Variants in PCLO observed in about 807,000 individuals in gnomAD.
PCLO encodes the protein piccolo presynaptic cytomatrix protein, also known as protein piccolo.
Under a neutral mutation model 427.5 loss-of-function variants are expected in PCLO, and 82 were observed. The ratio of observed to expected loss-of-function variants is 0.19; its 90% confidence interval spans 0.16 to 0.23. The LOEUF (loss-of-function observed/expected upper bound fraction) is 0.23. Among genes scored for constraint, PCLO ranks in the 10% least tolerant of loss-of-function variants. The pLI is 1.00. For missense variants in PCLO, 6,239 were observed against 6,115.9 expected (o/e 1.02, Z -0.67); for synonymous variants, 2,357 against 2,155.4 (o/e 1.09, Z -2.59).
intron 2 of PCLO, among the ~76,000 whole-genome samples, chr7:83,152,093 T>C (rs192829443): frequency 1.3e-5 from 2 of 152,112 alleles, no homozygotes; most frequent in Admixed American, 6.5e-5. Context: ...GCCTCCCTAG[T>C]AGCTGGGACT....
intron 6 of PCLO, among the ~76,000 whole-genome samples, chr7:82,946,726 T>C (rs1795212957): frequency 6.6e-6 from 1 of 152,098 alleles, no homozygotes; most frequent in African/African-American, 2.4e-5. Context: ...CAAGCAGAGA[T>C]CACATCACAT....
At position 82,815,363 on chromosome 7, in the gene PCLO, T is replaced by C. The variant is rs1174232127; in HGVS notation, c.14791+7132A>G. Among the ~76,000 whole-genome samples the C allele has an allele frequency of 7.9e-5, 12 of 152,198 alleles. No individual in the cohort carries two copies. The East Asian group carries it at 2.3e-3, about 29-fold the overall frequency. On this transcript the variant is annotated intron_variant, in intron 20 of 24. Coordinates refer to ENST00000333891, the MANE Select transcript of PCLO (RefSeq NM_033026.6). The stretch of plus-strand genomic sequence containing the variant: ...GGATGGAAGCAAAATGGTGATTCAA[T>C]AGTTATTGACTTTATTAAATGTCAT...
chr7:82,931,270 T>C (rs1475159275), intron 6 of PCLO, among the ~76,000 whole-genome samples: 2 of 152,126 alleles, frequency 1.3e-5, no homozygotes, highest in East Asian at 1.9e-4. Flanking sequence ...AAGATTTGAA[T>C]TGGGGAAATG....
intron 3 of PCLO, among the ~76,000 whole-genome samples, chr7:82,988,054 CT>C (rs540566677): frequency 1.4e-4 from 21 of 151,984 alleles, no homozygotes; most frequent in Non-Finnish European, 2.5e-4. Flanking sequence ...TATTTATATA[CT>C]TTTTTTCTAT....
chr7:83,153,070 T>C (rs1792177416), intron 2 of PCLO, among the ~76,000 whole-genome samples: 1 of 151,962 alleles, frequency 6.6e-6, no homozygotes, highest in South Asian at 2.1e-4. Context: ...AAAGTGATCA[T>C]CTATCATCTG....
chr7:83,016,463 C>T (rs1462267283), intron 3 of PCLO, among the ~76,000 whole-genome samples: 2 of 151,612 alleles, frequency 1.3e-5, no homozygotes, highest in Admixed American at 6.6e-5. Flanking sequence ...TAGGAATCAA[C>T]GCTAAGAAAC....
chr7:82,800,207 T>A (rs1307827824), intron 22 of PCLO, among the ~76,000 whole-genome samples: 8 of 152,328 alleles, frequency 5.3e-5, no homozygotes, highest in African/African-American at 1.9e-4. Flanking sequence ...GGCATTCACT[T>A]AAGCCCCTGA....
intron 24 of PCLO, 53 bp from the exon 25 acceptor site, chr7:82,758,768 G>A (rs1790370662): frequency 2.7e-6 from 3 of 1,125,656 alleles, no homozygotes; most frequent in Non-Finnish European, 3.9e-6. Flanking sequence ...ATATACATGT[G>A]TATAGTTTTC....
At chr7:82,992,238 T>A (rs1213330369) in intron 3 of PCLO, among the ~76,000 whole-genome samples, 1 of 152,074 alleles carries the variant, frequency 6.6e-6, no homozygotes, top group Non-Finnish European at 1.5e-5. Flanking sequence ...CACAGACTAC[T>A]ACAAAGAAAG....
chr7:82,883,746 TC>T (rs765369862), intron 9 of PCLO, among the ~76,000 whole-genome samples: 22 of 152,116 alleles, frequency 1.4e-4, no homozygotes, highest in Non-Finnish European at 2.9e-4. Context: ...CTGTTCAGCA[TC>T]CTTTTGTTTC....
At position 82,775,312 on chromosome 7, in the gene PCLO, A is replaced by G. The variant is rs541184072; in HGVS notation, c.15008-13819T>C. On this transcript the variant is annotated intron_variant, in intron 22 of 24. Transcript: ENST00000333891. ...ATATTTAATGTTGTATAAAATCGCCAAACTGTTTTCCAAAGTGGCTGTACC... is the reference window on the plus strand; with the variant it reads ...ATATTTAATGTTGTATAAAATCGCCGAACTGTTTTCCAAAGTGGCTGTACC... 2.2e-3 allele frequency among the ~76,000 whole-genome samples: 333 copies of G among 152,306 alleles called. 2 individuals carry two copies. The highest frequency in any genetic ancestry group is 2.1e-3 in the Non-Finnish European group (143 of 68,028).
Position 82,951,229 on chromosome 7 carries a change from C to T in PCLO, c.9359G>A (p.Gly3120Asp), listed in dbSNP as rs780237558. 23 of 1,613,454 alleles carry T rather than the reference C, an allele frequency of 1.4e-5. No individual in the cohort carries two copies. Among genetic ancestry groups the T allele is most frequent in the Non-Finnish European group, 1.7e-5 (20 of 1,179,736 alleles). Residue 3120 changes from glycine (G) to aspartate (D), a missense_variant, in exon 6 of 25, where the codon GGT (glycine) becomes GAT (aspartate). Transcript: ENST00000333891. ...IFSTTVRDLS[G>D]IHTADAVTSL... ...AGTCACTGCATCAGCCGTATGAATA[C>T]CAGACAAATCCCTCACTGTGGTGCT...
At chr7:82,892,839 G>C (rs1398650690) in intron 9 of PCLO, among the ~76,000 whole-genome samples, 1 of 151,960 alleles carries the variant, frequency 6.6e-6, no homozygotes, top group East Asian at 1.9e-4. Context: ...ATCATCACTG[G>C]CCATCAGAGA....
chr7:82,759,793 A>G (rs1414382529), intron 24 of PCLO, among the ~76,000 whole-genome samples: 4 of 151,764 alleles, frequency 2.6e-5, no homozygotes, highest in African/African-American at 9.7e-5. Flanking sequence ...ATATCTACTA[A>G]AGACGTACTA....
chr7:82,829,557 A>AAAGG (rs1792039326), intron 16 of PCLO, among the ~76,000 whole-genome samples: 1 of 152,182 alleles, frequency 6.6e-6, no homozygotes, highest in Non-Finnish European at 1.5e-5. Flanking sequence ...AGAATTTGAC[A>AAAGG]GCTGTCACTC....
chr7:82,988,310 C>A (rs920650338), intron 3 of PCLO, among the ~76,000 whole-genome samples: 8 of 151,804 alleles, frequency 5.3e-5, no homozygotes, highest in African/African-American at 1.9e-4. Context: ...AGGCATGAGA[C>A]CCCATGGCTG....
At chr7:83,107,982 C>T (rs1391206185) in intron 3 of PCLO, among the ~76,000 whole-genome samples, 3 of 98,344 alleles carry the variant, frequency 3.1e-5, no homozygotes, top group African/African-American at 1.4e-4. Flanking sequence ...AGTGAGACTC[C>T]GTCTAAAAAA....
chr7:83,006,438 C>G (rs757027973), intron 3 of PCLO, among the ~76,000 whole-genome samples: 5 of 151,462 alleles, frequency 3.3e-5, no homozygotes, highest in African/African-American at 9.7e-5. Context: ...TTGAGAATTA[C>G]AGACATGGTA....
chr7:82,825,556 A>G (rs371584022), intron 18 of PCLO, among the ~76,000 whole-genome samples: 10 of 151,126 alleles, frequency 6.6e-5, no homozygotes, highest in South Asian at 2.1e-4. Flanking sequence ...TTTGGAGATT[A>G]TTTTTAACAT....
Sources: gnomAD v4.1 joint callset for allele counts (sites outside exome capture counted in the v4.1 genomes callset) on GRCh38, gnomAD v4.1.1 for gene constraint, MANE v1.5 for transcripts, NCBI Gene and HGNC (gene_info 2026-07-23, HGNC 2026-07-21) for gene names.